Variants in MYLK4 observed in about 807,000 individuals in gnomAD.
MYLK4 encodes myosin light chain kinase family member 4, also known as caMLCK like.
A neutral mutation model predicts 48.1 loss-of-function variants in MYLK4; 46 were observed. That is an observed-to-expected ratio of 0.96 (90% CI 0.75 to 1.22). The LOEUF (loss-of-function observed/expected upper bound fraction) is 1.22. Among genes scored for constraint, MYLK4 ranks in the 50% most tolerant of loss-of-function variants. MYLK4 has a pLI of 0.00. For synonymous variants in MYLK4, 170 were observed against 180.8 expected (o/e 0.94, Z 0.48); for missense variants, 451 against 486.1 (o/e 0.93, Z 0.68).
intron 2 of MYLK4, among the ~76,000 whole-genome samples, chr6:2,694,488 G>T: frequency 1.9e-5 from 2 of 103,194 alleles, no homozygotes; most frequent in Non-Finnish European, 4.1e-5. Context: ...GATGGTAGTG[G>T]TCATGGTGGT....
At chr6:2,712,406 C>T (rs1004884254) in intron 2 of MYLK4, among the ~76,000 whole-genome samples, 40 of 152,200 alleles carry the variant, frequency 2.6e-4, no homozygotes, top group African/African-American at 9.6e-4. Flanking sequence ...TACTTCAGGC[C>T]CTTTAAACTC....
intron 2 of MYLK4, among the ~76,000 whole-genome samples, chr6:2,745,125 A>C (rs1764034970): frequency 6.6e-6 from 1 of 152,178 alleles, no homozygotes; most frequent in African/African-American, 2.4e-5. Flanking sequence ...CACCGAGGAA[A>C]GCAGTGAGAA....
intron 6 of MYLK4, 33 bp from the exon 7 acceptor site, chr6:2,683,195 C>T (rs1243023990): frequency 6.2e-7 from 1 of 1,612,950 alleles, no homozygotes; most frequent in Non-Finnish European, 8.5e-7. Flanking sequence ...ACCCTCAGTC[C>T]CGATTTCCTT....
intron 7 of MYLK4, among the ~76,000 whole-genome samples, chr6:2,682,516 T>A (rs1226357943): frequency 6.6e-6 from 1 of 152,184 alleles, no homozygotes; most frequent in Non-Finnish European, 1.5e-5. Flanking sequence ...TCCTTCCGAC[T>A]GTCCTCTGCT....
In MYLK4 at chr6:2,685,206, T is replaced by C. The variant is rs972538422; in HGVS notation, c.545+90A>G. On this transcript the variant is annotated intron_variant, in intron 6 of 12. Coordinates refer to ENST00000274643, the MANE Select transcript of MYLK4 (RefSeq NM_001012418.5). The surrounding 1 kb of genome is among the most constrained non-coding windows in gnomAD (Gnocchi z 4.5). ...TCTGCGGGGGCGAGCTTGGTTCTGG[T>C]CCCGCTACAGCAGGACGGAGCTACT... 1.1e-6 allele frequency: 1 copy of C among 923,756 alleles called. No individual in the cohort carries two copies. The allele number at this position is 923,756 out of a possible 1,614,324, so 57.2% of individuals were successfully genotyped here.
chr6:2,766,513 G>T, the MYLK4 span: 3 of 1,435,416 alleles, frequency 2.1e-6, no homozygotes, highest in African/African-American at 4.3e-5. Flanking sequence ...TGGTCGGAGA[G>T]CCGGGTGTGC....
At chr6:2,755,388 A>C (rs1324218115), upstream of MYLK4, among the ~76,000 whole-genome samples, 2 of 152,200 alleles carry the variant, frequency 1.3e-5, no homozygotes, top group Non-Finnish European at 2.9e-5. Flanking sequence ...ATATCTCATG[A>C]AACTTTACCC....
chr6:2,757,072 G>A, the MYLK4 span, among the ~76,000 whole-genome samples: 19 of 151,856 alleles, frequency 1.3e-4, 1 homozygote, highest in South Asian at 4.0e-3. Flanking sequence ...TTTTCCACAT[G>A]GAAAAACACT....
At chr6:2,744,936 A>G (rs754012392) in intron 2 of MYLK4, among the ~76,000 whole-genome samples, 7 of 152,216 alleles carry the variant, frequency 4.6e-5, no homozygotes, top group Non-Finnish European at 1.0e-4. Flanking sequence ...ACGGTGGGCT[A>G]TGCTGACATA....
At chr6:2,741,860 A>G (rs1255179484) in intron 2 of MYLK4, among the ~76,000 whole-genome samples, 36 of 152,230 alleles carry the variant, frequency 2.4e-4, no homozygotes, top group Non-Finnish European at 1.5e-5. Flanking sequence ...TGAGGGCTAC[A>G]ATCTCATAGC....
intron 8 of MYLK4, 49 bp from the exon 9 acceptor site, chr6:2,679,457 C>T (rs1290527086): frequency 3.7e-6 from 6 of 1,609,356 alleles, no homozygotes; most frequent in Admixed American, 1.7e-5. Flanking sequence ...GATCAAAAAT[C>T]GTGAACACTG....
At chr6:2,717,556 TA>T (rs1223611858) in intron 2 of MYLK4, among the ~76,000 whole-genome samples, 2 of 152,256 alleles carry the variant, frequency 1.3e-5, no homozygotes, top group African/African-American at 4.8e-5. Flanking sequence ...GATTTGGGAT[TA>T]GACTGTAATC....
the MYLK4 span, among the ~76,000 whole-genome samples, chr6:2,761,623 G>A: frequency 1.3e-5 from 2 of 152,158 alleles, no homozygotes; most frequent in Non-Finnish European, 2.9e-5. Flanking sequence ...CGTGAGGTAG[G>A]CATTCTTATT....
the MYLK4 span, among the ~76,000 whole-genome samples, chr6:2,763,375 C>T: frequency 4.6e-5 from 7 of 152,330 alleles, no homozygotes; most frequent in South Asian, 2.1e-4. Flanking sequence ...CCCTGGGTGC[C>T]GTGAGGCAGT....
In MYLK4 at chr6:2,749,153, T is replaced by C; in HGVS notation, c.142A>G (p.Arg48Gly). ...ATGATTACCTCATTATGTCCAGATC[T>C]TGAATCCTGGTCCCCAGAATTTTTT... ...LEKNSGDQDS[R>G]SGHNEAKEVW... Residue 48 changes from arginine (R) to glycine (G), a missense_variant, in exon 2 of 13, where the codon AGA becomes GGA. Transcript: ENST00000274643. The C allele has an allele frequency of 1.2e-6, 2 of 1,613,832 alleles. No individual in the cohort carries two copies. The highest frequency in any genetic ancestry group is 1.7e-6 in the Non-Finnish European group (2 of 1,179,914).
chr6:2,744,201 T>G lies in MYLK4; in HGVS notation c.159+4935A>C, dbSNP rs1317408987. 1.8e-5 allele frequency: 7 copies of G among 395,244 alleles called. No homozygotes were observed. In the East Asian group the frequency reaches 2.2e-4, roughly 12 times the overall value. The allele number at this position is 395,244 out of a possible 1,614,324, so 24.5% of individuals were successfully genotyped here. On this transcript the variant is annotated intron_variant, in intron 2 of 12. Coordinates refer to ENST00000274643, the MANE Select transcript of MYLK4 (RefSeq NM_001012418.5). Reference sequence around the variant, plus strand: ...GAGTCCTGCACTGGACGTCTCCAGTTACGTGATCAGCAAATAATCTGCCTC... The same window carrying G: ...GAGTCCTGCACTGGACGTCTCCAGTGACGTGATCAGCAAATAATCTGCCTC...
chr6:2,677,361 C>T (rs1761119689), intron 10 of MYLK4, among the ~76,000 whole-genome samples: 1 of 152,170 alleles, frequency 6.6e-6, no homozygotes, highest in South Asian at 2.1e-4. Flanking sequence ...TGACACCCTT[C>T]TACCTGTTGA....
chr6:2,769,630 A>T, the MYLK4 span, among the ~76,000 whole-genome samples: 2 of 152,184 alleles, frequency 1.3e-5, no homozygotes, highest in African/African-American at 4.8e-5. Context: ...TCTAGGTTTC[A>T]TATTGGACCA....
chr6:2,692,652 G>A (rs987075525), intron 3 of MYLK4, 132 bp downstream of exon 3: 2 of 577,406 alleles, frequency 3.5e-6, no homozygotes, highest in Non-Finnish European at 5.3e-6. Context: ...AGGGGGGGGG[G>A]GGCATTTTTT....
Sources: allele counts gnomAD v4.1 joint callset (sites outside exome capture counted in the v4.1 genomes callset), GRCh38; gene constraint gnomAD v4.1.1; non-coding constraint Gnocchi (gnomAD v3.1); transcripts MANE v1.5; gene names NCBI Gene and HGNC (gene_info 2026-07-23, HGNC 2026-07-21).